The following C12orf54 variants were observed in gnomAD, a reference collection of about 807,000 sequenced individuals.
C12orf54 encodes chromosome 12 open reading frame 54.
In C12orf54, 24 loss-of-function variants were observed where a neutral mutation model predicts 26.4. That is an observed-to-expected ratio of 0.91 (90% CI 0.66 to 1.28). The LOEUF (loss-of-function observed/expected upper bound fraction) is 1.28, where lower values mean the gene tolerates loss of function less well. Ranked by LOEUF, C12orf54 falls within the 50% of genes most tolerant of loss-of-function variation. The pLI, the probability that C12orf54 is intolerant of heterozygous loss-of-function variation, is 0.00. For synonymous variants in C12orf54, 54 were observed against 47.0 expected (o/e 1.15, Z -0.61); for missense variants, 154 against 150.9 (o/e 1.02, Z -0.11).
At chr12:48,454,251 C>T in the C12orf54 span, among the ~76,000 whole-genome samples, 1 of 152,022 alleles carries the variant, frequency 6.6e-6, no homozygotes, top group East Asian at 1.9e-4. Context: ...GCATACACCA[C>T]CACATCCAGT....
At chr12:48,477,829 A>C (rs1954159395), upstream of C12orf54, among the ~76,000 whole-genome samples, 1 of 152,092 alleles carries the variant, frequency 6.6e-6, no homozygotes, top group South Asian at 2.1e-4. Flanking sequence ...CAAAGGGGAG[A>C]TGATCCCAAT....
the C12orf54 span, among the ~76,000 whole-genome samples, chr12:48,474,768 C>A: frequency 6.6e-6 from 1 of 152,260 alleles, no homozygotes; most frequent in Non-Finnish European, 1.5e-5. Flanking sequence ...CTGGGTGGAG[C>A]CCACCACAGC....
upstream of C12orf54, among the ~76,000 whole-genome samples, chr12:48,477,594 T>A (rs1038715770): frequency 1.3e-5 from 2 of 152,134 alleles, no homozygotes; most frequent in African/African-American, 4.8e-5. Flanking sequence ...AAGTACAAAC[T>A]ACCATCAGAG....
the C12orf54 span, among the ~76,000 whole-genome samples, chr12:48,444,517 A>T: frequency 6.6e-6 from 1 of 152,392 alleles, no homozygotes; most frequent in South Asian, 2.1e-4. Flanking sequence ...CATTTTCACA[A>T]AGGACAAAGT....
At chr12:48,448,848 G>A in the C12orf54 span, among the ~76,000 whole-genome samples, 5 of 152,180 alleles carry the variant, frequency 3.3e-5, no homozygotes, top group Non-Finnish European at 5.9e-5. Flanking sequence ...AGCCCTCAGG[G>A]GATCCTGAGA....
At chr12:48,473,466 C>T in the C12orf54 span, 9,426 of 501,128 alleles carry the variant, frequency 0.019, 144 homozygotes, top group Non-Finnish European at 0.027. Context: ...TGTTTTTAGC[C>T]GTATCCCCTC....
chr12:48,447,950 G>A, the C12orf54 span, among the ~76,000 whole-genome samples: 1 of 152,142 alleles, frequency 6.6e-6, no homozygotes, highest in African/African-American at 2.4e-5. Context: ...CTCAATGAGG[G>A]ACACACAGAA....
chr12:48,459,373 G>A, the C12orf54 span, among the ~76,000 whole-genome samples: 7 of 151,174 alleles, frequency 4.6e-5, no homozygotes, highest in East Asian at 7.8e-4. Context: ...AGTGAGTGGC[G>A]GTGATGTGTC....
At chr12:48,454,072 C>G in the C12orf54 span, among the ~76,000 whole-genome samples, 2 of 147,348 alleles carry the variant, frequency 1.4e-5, no homozygotes, top group African/African-American at 5.0e-5. Flanking sequence ...AGACAGTTCT[C>G]TCTCTCTCTC....
intron 1 of C12orf54, 76 bp from the exon 2 acceptor site, chr12:48,483,162 GGT>G: frequency 2.9e-6 from 2 of 679,306 alleles, no homozygotes; most frequent in Non-Finnish European, 5.1e-6. Context: ...ATTAACTGCT[GGT>G]AGTTCTCCAC....
chr12:48,476,077 G>A, the C12orf54 span, among the ~76,000 whole-genome samples: 3 of 152,160 alleles, frequency 2.0e-5, no homozygotes, highest in African/African-American at 7.2e-5. Context: ...CCAGAAGAGA[G>A]TGGGGGCCAA....
At chr12:48,466,635 A>T in the C12orf54 span, among the ~76,000 whole-genome samples, 21 of 152,136 alleles carry the variant, frequency 1.4e-4, no homozygotes, top group Non-Finnish European at 2.4e-4. Flanking sequence ...ATGAGACAAC[A>T]CTACACACCT....
In C12orf54 at chr12:48,490,827, C is replaced by T. The variant is rs61940778; in HGVS notation, c.184C>T (p.Arg62Trp). The T allele has an allele frequency of 0.061, 98,207 of 1,613,002 alleles. 3,645 individuals are homozygous for T. Among genetic ancestry groups the T allele is most frequent in the Non-Finnish European group, 0.073 (86,075 of 1,179,152 alleles). ...DIQKELQEDARIRGMSNCSMT... is the reference protein window; with the variant it reads ...DIQKELQEDAWIRGMSNCSMT... ...TATTTTTCAGCTGCAGGAAGATGCT[C>T]GGATTCGAGGTAAAACAGCACCATT... Residue 62 changes from arginine (R) to tryptophan (W), a missense_variant, in exon 6 of 9, where the codon CGG (arginine) becomes TGG (tryptophan). By Grantham distance (101) the Arg-to-Trp change is moderately radical. Transcript: ENST00000548364.
At chr12:48,452,539 C>A in the C12orf54 span, among the ~76,000 whole-genome samples, 1 of 150,480 alleles carries the variant, frequency 6.6e-6, no homozygotes. Context: ...ACAACGACAA[C>A]AAAAACTATC....
chr12:48,470,345 C>T, the C12orf54 span, among the ~76,000 whole-genome samples: 1 of 152,200 alleles, frequency 6.6e-6, no homozygotes, highest in Admixed American at 6.6e-5. Context: ...TCCGCAGCCT[C>T]ACCAACATCT....
the C12orf54 span, chr12:48,473,386 C>T: frequency 1.0e-6 from 1 of 959,156 alleles, no homozygotes; most frequent in African/African-American, 1.6e-5. Context: ...AAATAAGAAA[C>T]TGAAGATGAG....
chr12:48,490,779 A>C (rs1341003944), intron 5 of C12orf54, 33 bp from the exon 6 acceptor site: 3 of 1,612,792 alleles, frequency 1.9e-6, no homozygotes, highest in Non-Finnish European at 2.5e-6. Flanking sequence ...ACCAGCCCCC[A>C]TCATCTCTGA....
At chr12:48,460,394 T>C in the C12orf54 span, among the ~76,000 whole-genome samples, 16 of 152,002 alleles carry the variant, frequency 1.1e-4, no homozygotes, top group Admixed American at 1.0e-3. Flanking sequence ...ATATAAACAC[T>C]GAAGGAATTC....
the C12orf54 span, among the ~76,000 whole-genome samples, chr12:48,422,887 T>C: frequency 2.6e-5 from 4 of 152,154 alleles, no homozygotes; most frequent in Non-Finnish European, 5.9e-5. Context: ...AAAGGATCAC[T>C]AGTTAAAGCA....
Sources: gnomAD v4.1 joint callset for allele counts (sites outside exome capture counted in the v4.1 genomes callset) on GRCh38, gnomAD v4.1.1 for gene constraint, MANE v1.5 for transcripts, NCBI Gene and HGNC (gene_info 2026-07-23, HGNC 2026-07-21) for gene names.